The following SLC9A4 variants were observed in gnomAD, a reference collection of about 807,000 sequenced individuals.
SLC9A4 encodes solute carrier family 9 member A4, also known as sodium/hydrogen exchanger 4.
In SLC9A4, 63 loss-of-function variants were observed where a neutral mutation model predicts 67.4. The observed-to-expected ratio is 0.93, with a 90% confidence interval of 0.76 to 1.15. The LOEUF is 1.15. Among genes scored for constraint, SLC9A4 ranks in the 50% most tolerant of loss-of-function variants. The pLI, the probability that SLC9A4 is intolerant of heterozygous loss-of-function variation, is 0.00. For synonymous variants in SLC9A4, 393 were observed against 367.2 expected (o/e 1.07, Z -0.80); for missense variants, 1,089 against 987.7 (o/e 1.10, Z -1.38).
At chr2:102,483,047 A>G (rs974056210) in intron 2 of SLC9A4, among the ~76,000 whole-genome samples, 4 of 152,222 alleles carry the variant, frequency 2.6e-5, no homozygotes, top group Non-Finnish European at 5.9e-5. Flanking sequence ...TGACTTCCCC[A>G]AAGTTTAATT....
intron 2 of SLC9A4, among the ~76,000 whole-genome samples, chr2:102,498,512 G>C (rs1024306254): frequency 2.6e-5 from 4 of 152,192 alleles, no homozygotes; most frequent in Non-Finnish European, 4.4e-5. Flanking sequence ...CTTTGGATTT[G>C]AGAGTCAAAT....
intron 2 of SLC9A4, among the ~76,000 whole-genome samples, chr2:102,495,943 A>C (rs1048656526): frequency 1.3e-5 from 2 of 152,160 alleles, no homozygotes; most frequent in African/African-American, 4.8e-5. Flanking sequence ...CTTTATGACT[A>C]TAGAAACAAA....
intron 2 of SLC9A4, among the ~76,000 whole-genome samples, chr2:102,501,231 C>T (rs1373327068): frequency 6.6e-6 from 1 of 152,114 alleles, no homozygotes; most frequent in South Asian, 2.1e-4. Context: ...GAGCAATTCT[C>T]CTGCCTCAGT....
intron 2 of SLC9A4, among the ~76,000 whole-genome samples, chr2:102,502,815 C>T (rs1258782899): frequency 6.6e-6 from 1 of 152,248 alleles, no homozygotes; most frequent in African/African-American, 2.4e-5. Flanking sequence ...GGAGAAGGCT[C>T]TCAGAGCGTG....
At chr2:102,489,033 A>C (rs116805801) in intron 2 of SLC9A4, among the ~76,000 whole-genome samples, 12 of 152,324 alleles carry the variant, frequency 7.9e-5, no homozygotes, top group Non-Finnish European at 1.5e-4. Context: ...GAAAAAGCAA[A>C]TTACAGAGCT....
intron 10 of SLC9A4, among the ~76,000 whole-genome samples, chr2:102,525,990 CG>C (rs1413200613): frequency 1.3e-5 from 2 of 152,098 alleles, no homozygotes; most frequent in African/African-American, 4.8e-5. Context: ...CGGGTTCATG[CG>C]ATTCTCCTGC....
chr2:102,508,986 T>C, intron 6 of SLC9A4, 53 bp downstream of exon 6: 1 of 1,492,400 alleles, frequency 6.7e-7, no homozygotes, highest in Non-Finnish European at 9.3e-7. Context: ...TTCCCCTTTG[T>C]CACCATGAGA....
rs768062740 is a variant in SLC9A4 at position 102,479,197 on chromosome 2, C to T, written c.615C>T (p.Ala205=). ...QNLLFGSLIS[A]VDPVAVLAVF... is the part of the protein sequence containing the mutation. ...TGCTGTTCGGCAGCCTGATCTCCGC[C>T]GTGGACCCAGTGGCCGTGCTAGCCG... Residue 205 remains alanine (A), a synonymous_variant, in exon 2 of 12, where the codon GCC becomes GCT. Coordinates refer to ENST00000295269, the MANE Select transcript of SLC9A4 (RefSeq NM_001011552.4). 7.4e-6 allele frequency: 12 copies of T among 1,614,186 alleles called. No individual in the cohort carries two copies. The highest frequency in any genetic ancestry group is 9.3e-6 in the Non-Finnish European group (11 of 1,180,008).
intron 10 of SLC9A4, 47 bp downstream of exon 10, chr2:102,525,202 T>G (rs1196117229): frequency 1.2e-6 from 2 of 1,611,060 alleles, no homozygotes; most frequent in Admixed American, 3.3e-5. Context: ...GTGCAAGTGT[T>G]TGTCATCTGC....
At chr2:102,515,688 C>A (rs902228063) in intron 8 of SLC9A4, among the ~76,000 whole-genome samples, 3 of 151,774 alleles carry the variant, frequency 2.0e-5, no homozygotes, top group Non-Finnish European at 4.4e-5. Flanking sequence ...TTGCATTGAC[C>A]TTTATATCTA....
chr2:102,532,994 T>C lies in SLC9A4; in HGVS notation c.*306T>C. The C allele has an allele frequency of 4.0e-6, 1 of 250,590 alleles. No homozygotes were observed. The highest frequency in any genetic ancestry group is 7.8e-6 in the Non-Finnish European group (1 of 128,636). 15.5% of individuals were successfully genotyped at this position (250,590 alleles called of 1,614,324 possible). Reference sequence around the variant, plus strand: ...TATCAAAAGCATTGGATCCAAGCCATATATTGAAATACAAGCGTGATTAAT... The same window carrying C: ...TATCAAAAGCATTGGATCCAAGCCACATATTGAAATACAAGCGTGATTAAT... On this transcript the variant is annotated 3_prime_UTR_variant, in exon 12 of 12. Coordinates refer to ENST00000295269, the MANE Select transcript of SLC9A4 (RefSeq NM_001011552.4).
chr2:102,479,382 G>C lies in SLC9A4; in HGVS notation c.720+80G>C, dbSNP rs1573325694. The C allele has an allele frequency of 7.7e-6, 11 of 1,427,812 alleles. No individual in the cohort carries two copies. The East Asian group carries it at 1.7e-4, about 22-fold the overall frequency. The allele number at this position is 1,427,812 out of a possible 1,614,324, so 88.4% of individuals were successfully genotyped here. ...GCTGGGGACCGGAGGCTGTGGAGAC[G>C]GCTCCAGTGTGGCTCAGCGCAGCAG... On this transcript the variant is annotated intron_variant, in intron 2 of 11. Coordinates refer to ENST00000295269, the MANE Select transcript of SLC9A4 (RefSeq NM_001011552.4).
chr2:102,512,797 G>T (rs1685191312), intron 7 of SLC9A4, among the ~76,000 whole-genome samples: 1 of 152,176 alleles, frequency 6.6e-6, no homozygotes, highest in South Asian at 2.1e-4. Context: ...TTAGTTTCCA[G>T]TTCAGGAGGG....
At position 102,476,089 on chromosome 2, in the gene SLC9A4, T is replaced by C. The variant is rs576803372; in HGVS notation, c.256+2074T>C. On this transcript the variant is annotated intron_variant, in intron 1 of 11. Transcript: ENST00000295269. ...AGGTTAACTTAGTACTTATTGCCCA[T>C]AGATACTCTGACAGAAAAACATCAA... Among the ~76,000 whole-genome samples, 22 of 152,338 alleles carry C rather than the reference T, an allele frequency of 1.4e-4. No homozygotes were observed. The South Asian group carries it at 4.1e-3, about 29-fold the overall frequency.
intron 2 of SLC9A4, among the ~76,000 whole-genome samples, chr2:102,493,075 A>G (rs145191093): frequency 0.029 from 4,445 of 152,270 alleles, 198 homozygotes; most frequent in East Asian, 0.089. Flanking sequence ...CCATATCACT[A>G]TCAGCATTTT....
In SLC9A4 at chr2:102,532,817, T is replaced by A; in HGVS notation, c.*129T>A. ...GTGTTGAAGCTATTAAACATGGATC[T>A]ATAAGCAGCAGGAAGATTTTTTCCA... On this transcript the variant is annotated 3_prime_UTR_variant, in exon 12 of 12. Transcript: ENST00000295269. 2 of 1,007,332 alleles carry A rather than the reference T, an allele frequency of 2.0e-6. No homozygotes were observed. Among genetic ancestry groups the A allele is most frequent in the East Asian group, 2.5e-5 (1 of 39,414 alleles). 62.4% of individuals were successfully genotyped at this position (1,007,332 alleles called of 1,614,324 possible). A position where few individuals can be genotyped will look rare whatever the true frequency, so the allele number is the denominator to read the frequency against.
intron 6 of SLC9A4, among the ~76,000 whole-genome samples, chr2:102,510,007 C>CTT (rs35336558): frequency 2.0e-5 from 3 of 147,152 alleles, no homozygotes; most frequent in East Asian, 2.0e-4. Flanking sequence ...ATCATACTTC[C>CTT]TTTTTTTTTT....
chr2:102,487,225 T>G (rs1055840321), intron 2 of SLC9A4, among the ~76,000 whole-genome samples: 1 of 141,906 alleles, frequency 7.0e-6, no homozygotes, highest in Admixed American at 7.1e-5. Context: ...GAGGGAGAAG[T>G]AAACCAAGAG....
chr2:102,531,469 C>T (rs962802236), intron 11 of SLC9A4, among the ~76,000 whole-genome samples: 3 of 152,066 alleles, frequency 2.0e-5, no homozygotes, highest in Non-Finnish European at 4.4e-5. Flanking sequence ...AGGTAGCCCT[C>T]CCTCTTACAC....
Sources: allele counts gnomAD v4.1 joint callset (sites outside exome capture counted in the v4.1 genomes callset), GRCh38; gene constraint gnomAD v4.1.1; transcripts MANE v1.5; gene names NCBI Gene and HGNC (gene_info 2026-07-23, HGNC 2026-07-21).